UBE2K: variants seen among roughly 807,000 people sequenced by gnomAD.
UBE2K encodes the protein ubiquitin conjugating enzyme E2 K.
A neutral mutation model predicts 30.0 loss-of-function variants in UBE2K; 6 were observed. That is an observed-to-expected ratio of 0.20 (90% CI 0.11 to 0.39). The LOEUF is 0.39. Among genes scored for constraint, UBE2K ranks in the 10% least tolerant of loss-of-function variants. UBE2K has a pLI of 1.00. For synonymous variants in UBE2K, 86 were observed against 83.7 expected (o/e 1.03, Z -0.15); for missense variants, 61 against 241.6 (o/e 0.25, Z 4.96).
chr4:39,706,631 A>G (rs1718383030), intron 1 of UBE2K, among the ~76,000 whole-genome samples: 1 of 150,644 alleles, frequency 6.6e-6, no homozygotes. Context: ...CCCACCGCCC[A>G]GCCAATTTTT....
At chr4:39,764,191 C>G (rs1260086066) in intron 4 of UBE2K, among the ~76,000 whole-genome samples, 2 of 152,136 alleles carry the variant, frequency 1.3e-5, no homozygotes, top group Non-Finnish European at 2.9e-5. Context: ...CCTGTCTGTA[C>G]AAAAAATTTT....
At chr4:39,740,038 G>A (rs2170613) in intron 2 of UBE2K, among the ~76,000 whole-genome samples, 2,841 of 152,090 alleles carry the variant, frequency 0.019, 96 homozygotes, top group African/African-American at 0.064. Flanking sequence ...GTTTCATTTA[G>A]TCCTTTTTGC....
chr4:39,757,569 T>C (rs1216407073), intron 4 of UBE2K, among the ~76,000 whole-genome samples: 1 of 152,174 alleles, frequency 6.6e-6, no homozygotes, highest in East Asian at 1.9e-4. Context: ...ATATATTCTA[T>C]ATTCCATATA....
At position 39,714,179 on chromosome 4, in the gene UBE2K, G is replaced by C. The variant is rs77144506; in HGVS notation, c.63+15789G>C. On this transcript the variant is annotated intron_variant, in intron 1 of 6. Coordinates refer to ENST00000261427, the MANE Select transcript of UBE2K (RefSeq NM_005339.5). ...GCTTCCCAAAGTTTTGGGGTTATAG[G>C]CATGAGCCACCGGAGCCATCAAATC... is the stretch of plus-strand genomic sequence containing the variant. The C allele has an allele frequency of 2.5e-3, 388 of 153,374 alleles. 1 individual carries two copies. Among genetic ancestry groups the C allele is most frequent in the African/African-American group, 8.8e-3 (366 of 41,532 alleles). 9.5% of individuals were successfully genotyped at this position (153,374 alleles called of 1,614,324 possible). A position where few individuals can be genotyped will look rare whatever the true frequency, so the allele number is the denominator to read the frequency against.
intron 2 of UBE2K, among the ~76,000 whole-genome samples, chr4:39,738,072 C>T (rs1224298163): frequency 1.3e-5 from 2 of 152,104 alleles, no homozygotes; most frequent in African/African-American, 4.8e-5. Flanking sequence ...CTACTTTAGA[C>T]CATGGAATCG....
At chr4:39,745,282 C>T (rs1261823036) in intron 2 of UBE2K, among the ~76,000 whole-genome samples, 6 of 152,096 alleles carry the variant, frequency 3.9e-5, no homozygotes, top group East Asian at 3.8e-4. Context: ...ATTTCATTTG[C>T]GAGAACCAGC....
chr4:39,720,521 G>C (rs1344702525), intron 1 of UBE2K, among the ~76,000 whole-genome samples: 1 of 152,140 alleles, frequency 6.6e-6, no homozygotes, highest in Non-Finnish European at 1.5e-5. Flanking sequence ...GTAAGGCAGT[G>C]AGAAATTGAA....
At chr4:39,778,265 C>T (rs978580516) in intron 6 of UBE2K, 95 bp from the exon 7 acceptor site, 3 of 667,416 alleles carry the variant, frequency 4.5e-6, no homozygotes, top group Middle Eastern at 2.6e-4. Flanking sequence ...AGAAAAGAAA[C>T]AAGGTGTTAA....
chr4:39,708,184 G>C (rs1326201741), intron 1 of UBE2K, among the ~76,000 whole-genome samples: 2 of 152,030 alleles, frequency 1.3e-5, no homozygotes, highest in Admixed American at 6.6e-5. Context: ...GCAGGCGTGA[G>C]CCACCGCGCC....
intron 1 of UBE2K, among the ~76,000 whole-genome samples, chr4:39,716,190 T>A (rs1364365200): frequency 6.6e-6 from 1 of 152,236 alleles, no homozygotes; most frequent in Non-Finnish European, 1.5e-5. Flanking sequence ...GTTTTCTCTT[T>A]TTTATTCCTT....
intron 1 of UBE2K, among the ~76,000 whole-genome samples, chr4:39,732,659 T>C (rs4502689): frequency 4.6e-4 from 69 of 150,514 alleles, no homozygotes; most frequent in Admixed American, 2.2e-3. Flanking sequence ...CTAACTTCTA[T>C]AGCTTCTTCC....
intron 3 of UBE2K, among the ~76,000 whole-genome samples, chr4:39,747,832 C>T (rs1254535151): frequency 2.0e-5 from 3 of 147,736 alleles, no homozygotes; most frequent in Admixed American, 1.4e-4. Flanking sequence ...GATGGAGTCT[C>T]GCTCTGCCGC....
intron 4 of UBE2K, among the ~76,000 whole-genome samples, chr4:39,768,496 T>C (rs1712504514): frequency 2.0e-5 from 3 of 149,632 alleles, no homozygotes; most frequent in African/African-American, 7.4e-5. Flanking sequence ...AAGACAAGAA[T>C]GAACATTTGA....
intron 4 of UBE2K, chr4:39,771,397 C>T (rs1712822432): frequency 1.2e-6 from 2 of 1,611,476 alleles, no homozygotes; most frequent in Non-Finnish European, 1.7e-6. Context: ...GGCCTAGTGG[C>T]CGGGCAGCTG....
chr4:39,764,741 T>G (rs1308197744), intron 4 of UBE2K, among the ~76,000 whole-genome samples: 1 of 152,180 alleles, frequency 6.6e-6, no homozygotes, highest in African/African-American at 2.4e-5. Flanking sequence ...TTCTTTTTCT[T>G]TAACCTCCTC....
chr4:39,745,895 A>C, intron 3 of UBE2K, 85 bp downstream of exon 3: 1 of 1,038,132 alleles, frequency 9.6e-7, no homozygotes, highest in East Asian at 2.9e-5. Context: ...TTTAGGGCTT[A>C]TTAAAGTCAC....
At chr4:39,724,919 A>G (rs755088091) in intron 1 of UBE2K, among the ~76,000 whole-genome samples, 14 of 152,106 alleles carry the variant, frequency 9.2e-5, no homozygotes, top group Non-Finnish European at 1.2e-4. Context: ...GAGAACTAAT[A>G]TTTCCTCCAG....
At chr4:39,751,315 G>A (rs988985863) in intron 3 of UBE2K, among the ~76,000 whole-genome samples, 3 of 152,072 alleles carry the variant, frequency 2.0e-5, no homozygotes, top group Non-Finnish European at 4.4e-5. Context: ...ATTTAATTGG[G>A]TCTTGGCTTT....
chr4:39,773,878 G>C (rs796714394), intron 4 of UBE2K, among the ~76,000 whole-genome samples: 1 of 151,944 alleles, frequency 6.6e-6, no homozygotes, highest in East Asian at 1.9e-4. Context: ...CCGAGATCGC[G>C]CCACTGCACT....
Sources: allele counts gnomAD v4.1 joint callset (sites outside exome capture counted in the v4.1 genomes callset), GRCh38; gene constraint gnomAD v4.1.1; transcripts MANE v1.5; gene names NCBI Gene and HGNC (gene_info 2026-07-23, HGNC 2026-07-21).